Variants in DSCAM observed in about 807,000 individuals in gnomAD.
The protein encoded by DSCAM is cell adhesion molecule DSCAM.
In DSCAM, 47 loss-of-function variants were observed where a neutral mutation model predicts 217.7. The observed-to-expected ratio is 0.22, with a 90% CI of 0.17 to 0.28. The LOEUF (loss-of-function observed/expected upper bound fraction) is 0.28. Among genes scored for constraint, DSCAM ranks in the 10% least tolerant of loss-of-function variants. DSCAM has a pLI of 1.00. For synonymous variants in DSCAM, 1,056 were observed against 1,015.3 expected (o/e 1.04, Z -0.76); for missense variants, 2,080 against 2,618.3 (o/e 0.79, Z 4.49).
At chr21:40,577,784 C>G (rs1157945989) in intron 3 of DSCAM, among the ~76,000 whole-genome samples, 2 of 152,156 alleles carry the variant, frequency 1.3e-5, no homozygotes, top group African/African-American at 2.4e-5. Flanking sequence ...GTAAACAGTT[C>G]CAGGTGCAAG....
At chr21:40,366,722 G>T (rs1203484424) in intron 4 of DSCAM, among the ~76,000 whole-genome samples, 1 of 152,056 alleles carries the variant, frequency 6.6e-6, no homozygotes, top group Non-Finnish European at 1.5e-5. Flanking sequence ...GAAGGTTCCT[G>T]CAGGAGAGGA....
chr21:40,241,003 A>G (rs1006695500), intron 11 of DSCAM, among the ~76,000 whole-genome samples: 1 of 152,222 alleles, frequency 6.6e-6, no homozygotes, highest in African/African-American at 2.4e-5. Flanking sequence ...TGGATTAAAG[A>G]TTTAAATGTA....
rs77134654 is a variant in DSCAM, at chr21:40,608,105, A to G, written c.508+84705T>C. On this transcript the variant is annotated intron_variant, in intron 3 of 32. Transcript: ENST00000400454. ...AATTATCACCTCTAAAGAGCACCAT[A>G]AATGGTAGGAGGAGACTGATTATAA... Among the ~76,000 whole-genome samples the G allele has an allele frequency of 8.0e-3, 1,216 of 152,288 alleles. 14 individuals carry two copies. The highest frequency in any genetic ancestry group is 0.027 in the African/African-American group (1,130 of 41,554).
At chr21:40,192,386 T>C (rs538285304) in intron 11 of DSCAM, among the ~76,000 whole-genome samples, 163 of 152,300 alleles carry the variant, frequency 1.1e-3, no homozygotes, top group African/African-American at 3.7e-3. Context: ...GGTCTCGTGA[T>C]AGTGAGTGAG....
intron 1 of DSCAM, among the ~76,000 whole-genome samples, chr21:40,826,187 G>A (rs368153435): frequency 2.0e-5 from 3 of 152,268 alleles, no homozygotes; most frequent in Admixed American, 6.5e-5. Flanking sequence ...CAGGTGGTCA[G>A]GGAGACCTCT....
At chr21:40,769,668 T>C (rs1274766558) in intron 1 of DSCAM, among the ~76,000 whole-genome samples, 2 of 152,216 alleles carry the variant, frequency 1.3e-5, no homozygotes, top group South Asian at 2.1e-4. Flanking sequence ...CTCTAAGCTC[T>C]TCTCAACTAA....
At chr21:40,755,942 T>G (rs1172412281) in intron 1 of DSCAM, among the ~76,000 whole-genome samples, 1 of 152,222 alleles carries the variant, frequency 6.6e-6, no homozygotes, top group African/African-American at 2.4e-5. Flanking sequence ...TATTGGCAGA[T>G]CTGATGCAAG....
intron 1 of DSCAM, among the ~76,000 whole-genome samples, chr21:40,755,141 G>A (rs900184959): frequency 1.3e-5 from 2 of 152,130 alleles, no homozygotes; most frequent in African/African-American, 2.4e-5. Flanking sequence ...TGGGGGATAA[G>A]GATGAGGTTA....
intron 27 of DSCAM, among the ~76,000 whole-genome samples, chr21:40,074,164 T>C (rs1431979840): frequency 6.6e-6 from 1 of 152,176 alleles, no homozygotes; most frequent in African/African-American, 2.4e-5. Context: ...TTGGGATATG[T>C]TTTGAGGAGA....
chr21:40,601,493 A>G (rs999755976), intron 3 of DSCAM, among the ~76,000 whole-genome samples: 1 of 152,146 alleles, frequency 6.6e-6, no homozygotes, highest in African/African-American at 2.4e-5. Flanking sequence ...CAATCTGTAT[A>G]TATTTTATTT....
intron 1 of DSCAM, among the ~76,000 whole-genome samples, chr21:40,744,823 G>T (rs1001047955): frequency 2.6e-5 from 4 of 152,224 alleles, no homozygotes; most frequent in Middle Eastern, 6.8e-3. Flanking sequence ...GGACCCAGAA[G>T]AATTAAATAT....
chr21:40,635,974 C>G (rs1484762032), intron 3 of DSCAM, among the ~76,000 whole-genome samples: 1 of 152,196 alleles, frequency 6.6e-6, no homozygotes, highest in African/African-American at 2.4e-5. Context: ...AGGACCCAAA[C>G]ACGCAGGCAA....
At chr21:40,367,975 ACTTGC>A (rs2123695216) in intron 4 of DSCAM, among the ~76,000 whole-genome samples, 1 of 152,346 alleles carries the variant, frequency 6.6e-6, no homozygotes, top group East Asian at 1.9e-4. Context: ...AGGAAAGTAA[ACTTGC>A]CTTTCCAACC....
chr21:40,331,803 A>G (rs903099571), intron 8 of DSCAM, among the ~76,000 whole-genome samples: 1 of 152,188 alleles, frequency 6.6e-6, no homozygotes, highest in African/African-American at 2.4e-5. Context: ...ATTGGCAAAC[A>G]TTCACTTTTA....
intron 20 of DSCAM, among the ~76,000 whole-genome samples, chr21:40,108,648 A>T (rs945815018): frequency 6.6e-6 from 1 of 152,206 alleles, no homozygotes; most frequent in Non-Finnish European, 1.5e-5. Flanking sequence ...AGAAAAAACT[A>T]TTTTAAAAAT....
At chr21:40,590,727 T>A (rs1371319112) in intron 3 of DSCAM, among the ~76,000 whole-genome samples, 2 of 152,190 alleles carry the variant, frequency 1.3e-5, no homozygotes, top group African/African-American at 4.8e-5. Context: ...TTGAACATTA[T>A]CTCACTTCTG....
At chr21:40,612,193 C>A (rs924721101) in intron 3 of DSCAM, among the ~76,000 whole-genome samples, 5 of 152,172 alleles carry the variant, frequency 3.3e-5, no homozygotes, top group African/African-American at 1.2e-4. Context: ...TCTTCAAGTT[C>A]TTTGCTGCTC....
intron 3 of DSCAM, among the ~76,000 whole-genome samples, chr21:40,460,361 A>G (rs1157933729): frequency 3.3e-5 from 5 of 152,226 alleles, no homozygotes; most frequent in Admixed American, 3.3e-4. Context: ...AGAGATACAA[A>G]TGACAAACAT....
intron 8 of DSCAM, among the ~76,000 whole-genome samples, chr21:40,321,946 A>G (rs1042985466): frequency 1.3e-5 from 2 of 151,926 alleles, no homozygotes; most frequent in African/African-American, 4.8e-5. Flanking sequence ...GCTTTTGGAA[A>G]CCGTTTCAGG....
Sources: gnomAD v4.1 joint callset for allele counts (sites outside exome capture counted in the v4.1 genomes callset) on GRCh38, gnomAD v4.1.1 for gene constraint, MANE v1.5 for transcripts, NCBI Gene and HGNC (gene_info 2026-07-23, HGNC 2026-07-21) for gene names.